Variants in CDKAL1 observed in about 807,000 individuals in gnomAD.
The protein encoded by CDKAL1 is CDKAL1 threonylcarbamoyladenosine tRNA methylthiotransferase.
CDKAL1 carries 32 observed loss-of-function variants against 68.2 expected under a neutral mutation model. That is an observed-to-expected ratio of 0.47 (90% CI 0.35 to 0.63). The LOEUF is 0.63. Ranked by LOEUF, CDKAL1 falls within the 30% of genes least tolerant of loss-of-function variation. CDKAL1 has a pLI of 0.00. For missense variants in CDKAL1, 606 were observed against 696.7 expected (o/e 0.87, Z 1.47); for synonymous variants, 234 against 244.3 (o/e 0.96, Z 0.39).
In CDKAL1 at chr6:21,195,002, C is replaced by T. The variant is rs553154492; in HGVS notation, c.1300-3019C>T. On this transcript the variant is annotated intron_variant, in intron 13 of 15. Coordinates refer to ENST00000274695, the MANE Select transcript of CDKAL1 (RefSeq NM_017774.3). The stretch of plus-strand genomic sequence containing the variant: ...TGTTGCCCAGACTGGAGTGCAGTGG[C>T]ATGATCAAAGCTTACTGCAGCCTCC... 1.3e-3 allele frequency among the ~76,000 whole-genome samples: 198 copies of T among 152,122 alleles called. 1 individual carries two copies. Among genetic ancestry groups the T allele is most frequent in the African/African-American group, 4.5e-3 (186 of 41,502 alleles).
In CDKAL1 at chr6:21,231,374, T is replaced by C. The variant is rs767116748; in HGVS notation, c.*335T>C. On this transcript the variant is annotated 3_prime_UTR_variant, in exon 16 of 16. Coordinates refer to ENST00000274695, the MANE Select transcript of CDKAL1 (RefSeq NM_017774.3). ...TCAGAACCTAATTGTACAGTGGCTC[T>C]GGCCATCTTTTCCTCATGTGGAAGA... 1.5e-4 allele frequency: 28 copies of C among 188,928 alleles called. No homozygotes were observed. In the Middle Eastern group the frequency reaches 8.3e-3, roughly 56 times the overall value. 11.7% of individuals were successfully genotyped at this position (188,928 alleles called of 1,614,324 possible).
At chr6:21,134,927 A>T (rs2493869) in intron 13 of CDKAL1, among the ~76,000 whole-genome samples, 52,909 of 151,438 alleles carry the variant, frequency 0.35, 9,475 homozygotes, top group Admixed American at 0.44. Context: ...AATAGTTTAG[A>T]TCCCATTATT....
At chr6:21,226,044 T>A (rs1779727023) in intron 15 of CDKAL1, among the ~76,000 whole-genome samples, 4 of 152,182 alleles carry the variant, frequency 2.6e-5, no homozygotes, top group Admixed American at 2.6e-4. Context: ...CTGAGAATCC[T>A]CAGATGGAGC....
chr6:21,211,115 A>G (rs1288140027), intron 15 of CDKAL1, among the ~76,000 whole-genome samples: 2 of 152,210 alleles, frequency 1.3e-5, no homozygotes, highest in Non-Finnish European at 1.5e-5. Context: ...TTTTCAGACA[A>G]CTTCTACTAC....
At chr6:20,828,834 T>C (rs1244723373) in intron 8 of CDKAL1, among the ~76,000 whole-genome samples, 2 of 152,154 alleles carry the variant, frequency 1.3e-5, no homozygotes, top group Non-Finnish European at 2.9e-5. Flanking sequence ...TAAAACTCTG[T>C]ACTCATTAAA....
intron 9 of CDKAL1, among the ~76,000 whole-genome samples, chr6:20,945,560 T>C (rs956593826): frequency 1.3e-5 from 2 of 152,190 alleles, no homozygotes; most frequent in East Asian, 1.9e-4. Context: ...TTCTCATTTG[T>C]CCTATCTTCT....
At chr6:20,709,101 T>C (rs1274068169) in intron 5 of CDKAL1, among the ~76,000 whole-genome samples, 1 of 151,648 alleles carries the variant, frequency 6.6e-6, no homozygotes, top group African/African-American at 2.4e-5. Context: ...AGCCTGGAAG[T>C]GTGCTGAGTG....
At chr6:20,916,664 G>A (rs938830332) in intron 9 of CDKAL1, among the ~76,000 whole-genome samples, 2 of 152,118 alleles carry the variant, frequency 1.3e-5, no homozygotes, top group African/African-American at 4.8e-5. Flanking sequence ...AAAATTGGGA[G>A]TGTTCATGGG....
intron 7 of CDKAL1, among the ~76,000 whole-genome samples, chr6:20,779,446 T>G (rs966903130): frequency 6.6e-6 from 1 of 152,188 alleles, no homozygotes; most frequent in Non-Finnish European, 1.5e-5. Flanking sequence ...TGAATAGAGA[T>G]AGACTCTGAT....
intron 4 of CDKAL1, among the ~76,000 whole-genome samples, chr6:20,639,883 C>T (rs1390361594): frequency 1.3e-5 from 2 of 152,214 alleles, no homozygotes; most frequent in Non-Finnish European, 2.9e-5. Context: ...GTTGGTGAAG[C>T]TGGTCTTGAA....
intron 13 of CDKAL1, among the ~76,000 whole-genome samples, chr6:21,146,019 T>C (rs1002356423): frequency 1.3e-5 from 2 of 152,250 alleles, no homozygotes; most frequent in African/African-American, 2.4e-5. Context: ...ATGTAACATT[T>C]TTTAATAAAA....
chr6:20,732,220 A>T, intron 5 of CDKAL1, among the ~76,000 whole-genome samples: 1 of 138,346 alleles, frequency 7.2e-6, no homozygotes, highest in African/African-American at 2.7e-5. Flanking sequence ...TATGAGAACC[A>T]TCTCCTTTTC....
chr6:20,784,782 G>C (rs774613623), intron 8 of CDKAL1, among the ~76,000 whole-genome samples: 4 of 152,072 alleles, frequency 2.6e-5, no homozygotes, highest in Non-Finnish European at 5.9e-5. Flanking sequence ...CATGGATACA[G>C]AGGGCTGCCT....
At position 20,665,877 on chromosome 6, in the gene CDKAL1, T is replaced by C. The variant is rs182174631; in HGVS notation, c.371+16500T>C. Among the ~76,000 whole-genome samples, 696 of 152,230 alleles carry C rather than the reference T, an allele frequency of 4.6e-3. 3 individuals are homozygous for C. Among genetic ancestry groups the C allele is most frequent in the African/African-American group, 0.015 (629 of 41,532 alleles). ...AACTCATGCAGGTCGTGTGGAATTC[T>C]CTGTACAGCATAGATCTGTGTAGCG... is the stretch of plus-strand genomic sequence containing the variant. On this transcript the variant is annotated intron_variant, in intron 5 of 15. Transcript: ENST00000274695.
chr6:21,187,721 A>G (rs866540176), intron 13 of CDKAL1, among the ~76,000 whole-genome samples: 5 of 151,964 alleles, frequency 3.3e-5, no homozygotes, highest in East Asian at 1.9e-4. Flanking sequence ...TACATAAACA[A>G]TCTCTCTCTC....
intron 8 of CDKAL1, among the ~76,000 whole-genome samples, chr6:20,824,077 T>G (rs1165651399): frequency 6.6e-6 from 1 of 152,106 alleles, no homozygotes; most frequent in African/African-American, 2.4e-5. Context: ...AAAGTCTACT[T>G]TCAAGTGGAT....
At chr6:21,181,462 C>G (rs1777786573) in intron 13 of CDKAL1, among the ~76,000 whole-genome samples, 1 of 152,186 alleles carries the variant, frequency 6.6e-6, no homozygotes, top group African/African-American at 2.4e-5. Flanking sequence ...CCCTCTATTG[C>G]CTTCTCTTTG....
chr6:21,227,698 T>C (rs1779803971), intron 15 of CDKAL1, among the ~76,000 whole-genome samples: 1 of 149,208 alleles, frequency 6.7e-6, no homozygotes, highest in Admixed American at 6.7e-5. Context: ...AATACCTTTA[T>C]GAATCAGTTA....
intron 13 of CDKAL1, among the ~76,000 whole-genome samples, chr6:21,150,109 C>T (rs1776345281): frequency 1.3e-5 from 2 of 152,150 alleles, no homozygotes; most frequent in South Asian, 2.1e-4. Context: ...CCGCCCGCCT[C>T]GGCCTCCCAA....
Sources: allele counts gnomAD v4.1 joint callset (sites outside exome capture counted in the v4.1 genomes callset), GRCh38; gene constraint gnomAD v4.1.1; transcripts MANE v1.5; gene names NCBI Gene and HGNC (gene_info 2026-07-23, HGNC 2026-07-21).